The following CAMK1D variants were observed in gnomAD, a reference collection of about 807,000 sequenced individuals.
CAMK1D encodes the protein calcium/calmodulin-dependent protein kinase type 1D.
A neutral mutation model predicts 47.7 loss-of-function variants in CAMK1D; 9 were observed. That is an observed-to-expected ratio of 0.19 (90% CI 0.11 to 0.33). The LOEUF is 0.33. CAMK1D is among the 10% of genes least tolerant of loss of function. CAMK1D has a pLI of 1.00. For synonymous variants in CAMK1D, 184 were observed against 184.9 expected, an observed-to-expected ratio of 0.99 and a Z score of 0.04; for missense variants, 291 against 488.7, an observed-to-expected ratio of 0.60 and a Z score of 3.81.
chr10:12,650,106 C>G (rs935316017), intron 2 of CAMK1D, among the ~76,000 whole-genome samples: 2 of 152,236 alleles, frequency 1.3e-5, no homozygotes, highest in Admixed American at 1.3e-4. Context: ...AAGCCCCTCA[C>G]AGCAGTCCCT....
intron 3 of CAMK1D, among the ~76,000 whole-genome samples, chr10:12,728,564 G>A (rs1309906052): frequency 6.6e-6 from 1 of 152,066 alleles, no homozygotes; most frequent in Non-Finnish European, 1.5e-5. Context: ...AGGTGATCCA[G>A]TATTGCACTG....
At position 12,387,446 on chromosome 10, in the gene CAMK1D, TA is replaced by T. The variant is rs1481770162; in HGVS notation, c.92+37537del. Among the ~76,000 whole-genome samples, 19 of 9,608 alleles carry T rather than the reference TA, an allele frequency of 2.0e-3. 1 individual carries two copies. The highest frequency in any genetic ancestry group is 5.6e-3 in the African/African-American group (19 of 3,412). 6.3% of individuals were successfully genotyped at this position (9,608 alleles called of 152,430 possible). Reference sequence around the variant, plus strand: ...TATATTTTATATATTATATATATTTTATATATATATATATATATAGACATTG... The same window carrying T: ...TATATTTTATATATTATATATATTTTTATATATATATATATATAGACATTG... On this transcript the variant is annotated intron_variant, in intron 1 of 10. Coordinates refer to ENST00000619168, the MANE Select transcript of CAMK1D (RefSeq NM_153498.4).
At chr10:12,391,524 TA>T (rs397787973) in intron 1 of CAMK1D, among the ~76,000 whole-genome samples, 67 of 152,184 alleles carry the variant, frequency 4.4e-4, no homozygotes, top group South Asian at 4.1e-3. Flanking sequence ...CCGTTTTTTT[TA>T]AAAAAAATTC....
intron 1 of CAMK1D, among the ~76,000 whole-genome samples, chr10:12,530,947 C>T (rs1220812286): frequency 6.6e-6 from 1 of 151,928 alleles, no homozygotes; most frequent in Non-Finnish European, 1.5e-5. Flanking sequence ...ATCCCAGCTA[C>T]TCAGGAGGCT....
At chr10:12,525,291 A>T (rs1442118352) in intron 1 of CAMK1D, among the ~76,000 whole-genome samples, 1 of 152,102 alleles carries the variant, frequency 6.6e-6, no homozygotes, top group East Asian at 1.9e-4. Flanking sequence ...GGAAGTTTTC[A>T]GCCATTCTTT....
At chr10:12,610,038 A>G (rs1838574607) in intron 2 of CAMK1D, among the ~76,000 whole-genome samples, 2 of 152,204 alleles carry the variant, frequency 1.3e-5, no homozygotes, top group Admixed American at 1.3e-4. Flanking sequence ...ACGTTTAACA[A>G]CGGGCTCTTG....
At chr10:12,387,556 G>C (rs80048461) in intron 1 of CAMK1D, among the ~76,000 whole-genome samples, 33,681 of 143,260 alleles carry the variant, frequency 0.24, 4,166 homozygotes, top group South Asian at 0.29. Flanking sequence ...GCCCAGGCTG[G>C]AGTGCAGTGG....
chr10:12,355,220 A>G (rs1837473285), intron 1 of CAMK1D, among the ~76,000 whole-genome samples: 1 of 152,158 alleles, frequency 6.6e-6, no homozygotes, highest in African/African-American at 2.4e-5. Context: ...CTTTGTGTCA[A>G]TAGCAGTGTG....
intron 3 of CAMK1D, among the ~76,000 whole-genome samples, chr10:12,682,422 T>C (rs1057513408): frequency 1.3e-5 from 2 of 152,196 alleles, no homozygotes; most frequent in African/African-American, 4.8e-5. Flanking sequence ...AAGGTTTATG[T>C]TATAAAATTA....
intron 1 of CAMK1D, among the ~76,000 whole-genome samples, chr10:12,357,249 G>A (rs1837546037): frequency 6.6e-6 from 1 of 152,054 alleles, no homozygotes; most frequent in African/African-American, 2.4e-5. Flanking sequence ...TCGGCTCACT[G>A]CAACCTCTGC....
At chr10:12,387,382 TATATATA>T (rs1838538966) in intron 1 of CAMK1D, among the ~76,000 whole-genome samples, 1 of 32,786 alleles carries the variant, frequency 3.1e-5, no homozygotes, top group African/African-American at 5.1e-5. Flanking sequence ...TATTATATAT[TATATATA>T]TTATATATTT....
intron 1 of CAMK1D, among the ~76,000 whole-genome samples, chr10:12,357,503 A>G (rs1837552729): frequency 6.6e-6 from 1 of 152,152 alleles, no homozygotes; most frequent in African/African-American, 2.4e-5. Flanking sequence ...TTTGGTAGAG[A>G]TTATGTTTCA....
rs193204744 is a variant in CAMK1D, at chr10:12,829,518, G to A, written c.*631G>A. 1 of 152,218 alleles carries A rather than the reference G, an allele frequency of 6.6e-6. No homozygotes were observed. The highest frequency in any genetic ancestry group is 2.4e-5 in the African/African-American group (1 of 41,428). 9.4% of individuals were successfully genotyped at this position (152,218 alleles called of 1,614,324 possible). On this transcript the variant is annotated 3_prime_UTR_variant, in exon 11 of 11. Coordinates refer to ENST00000619168, the MANE Select transcript of CAMK1D (RefSeq NM_153498.4). ...GGAGGCCAAGTCGGGCGGATCACAA[G>A]GTCAGGAGATCAAGGCCATCCTGGC... is the stretch of plus-strand genomic sequence containing the variant.
intron 3 of CAMK1D, among the ~76,000 whole-genome samples, chr10:12,677,523 G>A (rs1840852360): frequency 6.6e-6 from 1 of 152,148 alleles, no homozygotes; most frequent in Non-Finnish European, 1.5e-5. Context: ...CTCGGAGGTT[G>A]CTTTCGTGAG....
chr10:12,387,445 T>TTATA lies in CAMK1D; in HGVS notation c.92+37552_92+37555dup, dbSNP rs373637712. On this transcript the variant is annotated intron_variant, in intron 1 of 10. Coordinates refer to ENST00000619168, the MANE Select transcript of CAMK1D (RefSeq NM_153498.4). ...ATATATTTTATATATTATATATATT[T>TTATA]TATATATATATATATATATAGACAT... 3.1e-3 allele frequency among the ~76,000 whole-genome samples: 204 copies of TTATA among 66,532 alleles called. 1 individual carries two copies. Among genetic ancestry groups the TTATA allele is most frequent in the Middle Eastern group, 7.1e-3 (1 of 140 alleles). 43.6% of individuals were successfully genotyped at this position (66,532 alleles called of 152,430 possible). A position where few individuals can be genotyped will look rare whatever the true frequency, so the allele number is the denominator to read the frequency against.
intron 1 of CAMK1D, among the ~76,000 whole-genome samples, chr10:12,498,841 T>G (rs1009367663): frequency 1.3e-5 from 2 of 152,180 alleles, no homozygotes; most frequent in African/African-American, 4.8e-5. Flanking sequence ...GGGGTTCAAT[T>G]TAGTACTTTG....
At chr10:12,473,266 C>G (rs1833802639) in intron 1 of CAMK1D, among the ~76,000 whole-genome samples, 2 of 152,036 alleles carry the variant, frequency 1.3e-5, no homozygotes, top group Non-Finnish European at 2.9e-5. Flanking sequence ...AGACCTTTGC[C>G]TATCAAAATC....
At chr10:12,509,411 C>A (rs1269240145) in intron 1 of CAMK1D, among the ~76,000 whole-genome samples, 2 of 152,180 alleles carry the variant, frequency 1.3e-5, no homozygotes, top group Non-Finnish European at 2.9e-5. Flanking sequence ...GGAGTGATGC[C>A]ACTCTTTTCT....
chr10:12,519,399 C>G lies in CAMK1D; in HGVS notation c.93-33826C>G, dbSNP rs1158651345. 2.9e-4 allele frequency among the ~76,000 whole-genome samples: 4 copies of G among 13,894 alleles called. 2 individuals carry two copies. The highest frequency in any genetic ancestry group is 4.8e-3 in the East Asian group (2 of 416). 9.1% of individuals were successfully genotyped at this position (13,894 alleles called of 152,430 possible). ...GGACGGGGCGGCTGGCCGACCCCCC[C>G]CCCCCCGCCTCCCTCCCGGACGGGG... is the stretch of plus-strand genomic sequence containing the variant. On this transcript the variant is annotated intron_variant, in intron 1 of 10. Transcript: ENST00000619168.
Sources: allele counts gnomAD v4.1 joint callset (sites outside exome capture counted in the v4.1 genomes callset), GRCh38; gene constraint gnomAD v4.1.1; transcripts MANE v1.5; gene names NCBI Gene and HGNC (gene_info 2026-07-23, HGNC 2026-07-21).